RIMBP2: variants seen among roughly 807,000 people sequenced by gnomAD.
The protein encoded by RIMBP2 is RIMS binding protein 2.
Under a neutral mutation model 118.6 loss-of-function variants are expected in RIMBP2, and 48 were observed. The ratio of observed to expected loss-of-function variants is 0.40; its 90% CI spans 0.32 to 0.51. The LOEUF is 0.51. RIMBP2 is among the 20% of genes least tolerant of loss of function. The pLI is 0.41. For synonymous variants in RIMBP2, 762 were observed against 742.9 expected (o/e 1.03, Z -0.42); for missense variants, 1,551 against 1,768.3 (o/e 0.88, Z 2.20).
intron 2 of RIMBP2, among the ~76,000 whole-genome samples, chr12:130,572,371 C>T (rs905092410): frequency 1.3e-5 from 2 of 152,112 alleles, no homozygotes; most frequent in Non-Finnish European, 2.9e-5. Flanking sequence ...AACCAGCAGT[C>T]ACAAAAAACC....
chr12:130,418,772 A>G (rs1416303467), intron 17 of RIMBP2, among the ~76,000 whole-genome samples: 2 of 152,164 alleles, frequency 1.3e-5, no homozygotes, highest in Non-Finnish European at 2.9e-5. Flanking sequence ...GCATTTTCTC[A>G]GTAGGTGGCT....
Position 130,517,812 on chromosome 12 carries a change from C to A in RIMBP2, c.-127+16G>T. 2 of 976,686 alleles carry A rather than the reference C, an allele frequency of 2.0e-6. No homozygotes were observed. The highest frequency in any genetic ancestry group is 2.4e-6 in the Non-Finnish European group (2 of 821,538). The allele number at this position is 976,686 out of a possible 1,614,324, so 60.5% of individuals were successfully genotyped here. ...TCCAGGGCCCCAGATGGTCTGTGGACAGTGGTATCAGCTACCTTGTCATGC... is the reference window on the plus strand; with the variant it reads ...TCCAGGGCCCCAGATGGTCTGTGGAAAGTGGTATCAGCTACCTTGTCATGC... On this transcript the variant is annotated intron_variant, in intron 3 of 22. Transcript: ENST00000690449.
At chr12:130,406,047 C>T (rs1221991762) in intron 21 of RIMBP2, 125 bp downstream of exon 21, 1 of 647,720 alleles carries the variant, frequency 1.5e-6, no homozygotes, top group Non-Finnish European at 2.8e-6. Context: ...TTAAGCAAAG[C>T]TATCAGCAGG....
intron 2 of RIMBP2, among the ~76,000 whole-genome samples, chr12:130,609,962 G>A (rs967611655): frequency 1.3e-5 from 2 of 152,124 alleles, no homozygotes; most frequent in African/African-American, 2.4e-5. Context: ...CATTTGTGAC[G>A]ATTCCTTAGT....
At chr12:130,591,576 G>A (rs1329873789) in intron 2 of RIMBP2, among the ~76,000 whole-genome samples, 2 of 152,294 alleles carry the variant, frequency 1.3e-5, no homozygotes, top group African/African-American at 4.8e-5. Flanking sequence ...AGAGGCTCCG[G>A]GGAGGGGCGG....
intron 1 of RIMBP2, among the ~76,000 whole-genome samples, chr12:130,662,619 G>T (rs191253519): frequency 1.1e-3 from 169 of 151,914 alleles, no homozygotes; most frequent in Non-Finnish European, 4.0e-4. Flanking sequence ...TCACACCCTT[G>T]TACTCCAGCC....
chr12:130,439,139 G>C (rs1382756145), intron 11 of RIMBP2, among the ~76,000 whole-genome samples: 1 of 152,034 alleles, frequency 6.6e-6, no homozygotes, highest in Non-Finnish European at 1.5e-5. Flanking sequence ...GCGTGTGTGT[G>C]TATATGTGTG....
intron 4 of RIMBP2, among the ~76,000 whole-genome samples, chr12:130,489,976 T>C (rs1004680592): frequency 6.6e-6 from 1 of 151,872 alleles, no homozygotes; most frequent in African/African-American, 2.4e-5. Flanking sequence ...TACAAAAAAT[T>C]AGCCAGGCAT....
At chr12:130,495,112 T>A (rs1257146506) in intron 4 of RIMBP2, among the ~76,000 whole-genome samples, 1 of 152,252 alleles carries the variant, frequency 6.6e-6, no homozygotes, top group Non-Finnish European at 1.5e-5. Flanking sequence ...TGACCTTATA[T>A]TAATGACATC....
intron 17 of RIMBP2, among the ~76,000 whole-genome samples, chr12:130,421,691 A>ATGTGTGTG (rs35161782): frequency 0.03 from 4,353 of 147,234 alleles, 197 homozygotes; most frequent in African/African-American, 0.095. Flanking sequence ...CTGCATTTAT[A>ATGTGTGTG]TGTGTGTGTG....
intron 6 of RIMBP2, chr12:130,470,483 G>A (rs2080911223): frequency 5.1e-6 from 2 of 389,224 alleles, no homozygotes; most frequent in Non-Finnish European, 9.1e-6. Context: ...ACCTCTCTGT[G>A]CCTCAGTTTC....
At chr12:130,699,492 G>T (rs539181923) in intron 1 of RIMBP2, among the ~76,000 whole-genome samples, 1 of 147,070 alleles carries the variant, frequency 6.8e-6, no homozygotes, top group Non-Finnish European at 1.5e-5. Context: ...AAAACCAAAC[G>T]CCGCATGTTC....
chr12:130,442,431 G>T lies in RIMBP2; in HGVS notation c.921C>A (p.Asp307Glu). 3 of 1,614,162 alleles carry T rather than the reference G, an allele frequency of 1.9e-6. No individual in the cohort carries two copies. Among genetic ancestry groups the T allele is most frequent in the African/African-American group, 2.7e-5 (2 of 75,022 alleles). Residue 307 changes from aspartate (D) to glutamate (E), a missense_variant, in exon 11 of 23, where the codon GAC (aspartate) becomes GAA (glutamate). By Grantham distance (45) the Asp-to-Glu change is conservative. Transcript: ENST00000690449. The surrounding 1 kb of genome is among the most constrained non-coding windows in gnomAD (Gnocchi z 6.9). ...AAGGCACGATGTCTTCTCCGATGTC[G>T]TCGATGTTCACGTCCAGGGTCCCGG... ...NSAGTLDVNI[D>E]DIGEDIVPYP...
At position 130,677,572 on chromosome 12, in the gene RIMBP2, G is replaced by A. The variant is rs147261114; in HGVS notation, c.-352+38650C>T. ...GAACCTGGGAGGCAGAGGCTGCAGT[G>A]AGCCAAGATCGCAACACTGAACTCC... On this transcript the variant is annotated intron_variant, in intron 1 of 22. Transcript: ENST00000690449. Among the ~76,000 whole-genome samples, 644 of 152,280 alleles carry A rather than the reference G, an allele frequency of 4.2e-3. 5 individuals are homozygous for A. Among genetic ancestry groups the A allele is most frequent in the African/African-American group, 0.015 (620 of 41,546 alleles).
chr12:130,495,240 C>A (rs2049035605), intron 4 of RIMBP2, among the ~76,000 whole-genome samples: 1 of 152,228 alleles, frequency 6.6e-6, no homozygotes, highest in South Asian at 2.1e-4. Context: ...AGGGGGGCTG[C>A]TTCACTTGCT....
At position 130,609,228 on chromosome 12, in the gene RIMBP2, A is replaced by G. The variant is rs147589770; in HGVS notation, c.-217+19094T>C. Among the ~76,000 whole-genome samples, 778 of 152,116 alleles carry G rather than the reference A, an allele frequency of 5.1e-3. 2 individuals are homozygous for G. Among genetic ancestry groups the G allele is most frequent in the African/African-American group, 0.017 (722 of 41,488 alleles). On this transcript the variant is annotated intron_variant, in intron 2 of 22. Coordinates refer to ENST00000690449, the MANE Select transcript of RIMBP2 (RefSeq NM_001393629.1). ...CCCCCACGTATGAACTGAGTCTGTC[A>G]CAAAGCTGTCTGCCCCCCCACGTTT...
In RIMBP2 at chr12:130,578,146, C is replaced by T. The variant is rs997692585; in HGVS notation, c.-217+50176G>A. Among the ~76,000 whole-genome samples the T allele has an allele frequency of 6.6e-6, 1 of 152,206 alleles. No individual in the cohort carries two copies. Among genetic ancestry groups the T allele is most frequent in the Non-Finnish European group, 1.5e-5 (1 of 68,038 alleles). ...AAATTATTCACAGGATTCAGAGATT[C>T]CAGGAAAGTAAAGGTAGTGCAGGCT... On this transcript the variant is annotated intron_variant, in intron 2 of 22. Coordinates refer to ENST00000690449, the MANE Select transcript of RIMBP2 (RefSeq NM_001393629.1). This position sits in a 1 kb window ranked among gnomAD's most constrained non-coding sequence, Gnocchi z 4.1.
chr12:130,575,262 A>G (rs1193421948), intron 2 of RIMBP2, among the ~76,000 whole-genome samples: 4 of 139,878 alleles, frequency 2.9e-5, no homozygotes, highest in Admixed American at 2.3e-4. Context: ...TCACAGTACT[A>G]GAGTTGCTGG....
intron 2 of RIMBP2, among the ~76,000 whole-genome samples, chr12:130,627,908 T>C (rs998365326): frequency 6.6e-6 from 1 of 152,216 alleles, no homozygotes; most frequent in Non-Finnish European, 1.5e-5. Context: ...GAACTGGAAG[T>C]GATCTTATTA....
Sources: gnomAD v4.1 joint callset for allele counts (sites outside exome capture counted in the v4.1 genomes callset) on GRCh38, gnomAD v4.1.1 for gene constraint, Gnocchi (gnomAD v3.1) non-coding constraint, MANE v1.5 for transcripts, NCBI Gene and HGNC (gene_info 2026-07-23, HGNC 2026-07-21) for gene names.